Variants in TMEM40 observed in about 807,000 individuals in gnomAD.
TMEM40 encodes transmembrane protein 40.
A neutral mutation model predicts 40.8 loss-of-function variants in TMEM40; 34 were observed. That is an observed-to-expected ratio of 0.83 (90% confidence interval 0.63 to 1.11). The LOEUF (loss-of-function observed/expected upper bound fraction) is 1.11. Among genes scored for constraint, TMEM40 ranks in the 50% least tolerant of loss-of-function variants. The probability of loss-of-function intolerance (pLI) is 0.00; values close to 1 mark genes in which losing one functional copy is unlikely to be tolerated. For synonymous variants in TMEM40, 106 were observed against 107.0 expected (o/e 0.99, Z 0.06); for missense variants, 296 against 280.2 (o/e 1.06, Z -0.40).
upstream of TMEM40, among the ~76,000 whole-genome samples, chr3:12,762,810 G>A (rs2061578262): frequency 6.6e-6 from 1 of 152,134 alleles, no homozygotes. Flanking sequence ...CCAGGAGTGG[G>A]ACCTAGAATC....
intron 10 of TMEM40, among the ~76,000 whole-genome samples, 179 bp from the exon 11 acceptor site, chr3:12,735,796 A>G (rs1318169910): frequency 6.6e-6 from 1 of 152,242 alleles, no homozygotes; most frequent in Non-Finnish European, 1.5e-5. Context: ...AACCACGAAC[A>G]GCAGAAGTAG....
intron 1 of TMEM40, among the ~76,000 whole-genome samples, chr3:12,752,569 C>T (rs574021628): frequency 1.6e-4 from 24 of 152,090 alleles, no homozygotes; most frequent in African/African-American, 4.8e-4. Context: ...GAGGCTGAGG[C>T]GGGCGGATCA....
intron 1 of TMEM40, among the ~76,000 whole-genome samples, chr3:12,768,442 G>A (rs1199725540): frequency 6.6e-6 from 1 of 152,186 alleles, no homozygotes; most frequent in Non-Finnish European, 1.5e-5. Flanking sequence ...CGTTTTGACA[G>A]GGTGCTGATT....
upstream of TMEM40, among the ~76,000 whole-genome samples, chr3:12,762,246 T>C (rs2061572119): frequency 6.6e-6 from 1 of 152,248 alleles, no homozygotes; most frequent in Non-Finnish European, 1.5e-5. Flanking sequence ...CTGGGATTTA[T>C]AGGCATGAGC....
chr3:12,737,586 A>G, intron 8 of TMEM40, 121 bp downstream of exon 8: 1 of 877,982 alleles, frequency 1.1e-6, no homozygotes, highest in African/African-American at 1.7e-5. Flanking sequence ...TAATGTGTAA[A>G]CTGCAGGGCA....
intron 1 of TMEM40, among the ~76,000 whole-genome samples, chr3:12,755,213 TTCTCTCTCTCTCTCTCTCTC>T (rs754041538): frequency 0.041 from 3,837 of 94,294 alleles, 341 homozygotes; most frequent in African/African-American, 0.16. Flanking sequence ...CTTTCTTTCT[TTCTCTCTCTCTCTCTCTCTC>T]TCTTTCTTTC....
At chr3:12,761,961 G>T (rs2061570758), upstream of TMEM40, among the ~76,000 whole-genome samples, 1 of 151,904 alleles carries the variant, frequency 6.6e-6, no homozygotes, top group South Asian at 2.1e-4. Flanking sequence ...AATGATATTT[G>T]GATATATTAT....
intron 1 of TMEM40, among the ~76,000 whole-genome samples, chr3:12,758,568 A>G (rs2061546474): frequency 6.6e-6 from 1 of 152,032 alleles, no homozygotes; most frequent in African/African-American, 2.4e-5. Context: ...AGCCCCCAAC[A>G]GGCAGCAGGG....
At chr3:12,759,869 G>T (rs1444705114), upstream of TMEM40, among the ~76,000 whole-genome samples, 1 of 152,124 alleles carries the variant, frequency 6.6e-6, no homozygotes, top group East Asian at 1.9e-4. Context: ...CGAGGGCAGG[G>T]CCCCAGCTCA....
intron 5 of TMEM40, 145 bp downstream of exon 5, chr3:12,742,309 T>TA: frequency 1.2e-6 from 1 of 858,308 alleles, no homozygotes; most frequent in Non-Finnish European, 1.8e-6. Context: ...CTGCCAATGT[T>TA]ATAACCACCC....
intron 1 of TMEM40, among the ~76,000 whole-genome samples, chr3:12,757,557 C>T (rs2061538526): frequency 6.6e-6 from 1 of 151,958 alleles, no homozygotes. Context: ...TTCACACCCA[C>T]TAGGGTGGCT....
At chr3:12,736,442 G>A (rs920627241) in intron 10 of TMEM40, 136 bp downstream of exon 10, 11 of 1,070,472 alleles carry the variant, frequency 1.0e-5, no homozygotes, top group South Asian at 4.7e-5. Context: ...AAGCCACCGC[G>A]CCTGGCCAGA....
At chr3:12,738,454 G>C (rs2061354665) in intron 6 of TMEM40, 99 bp downstream of exon 6, 2 of 1,373,310 alleles carry the variant, frequency 1.5e-6, no homozygotes, top group South Asian at 1.2e-5. Flanking sequence ...CTCAGAGCCA[G>C]GTATCCCAAC....
upstream of TMEM40, among the ~76,000 whole-genome samples, chr3:12,761,895 A>G (rs2061570378): frequency 6.6e-6 from 1 of 152,230 alleles, no homozygotes; most frequent in Non-Finnish European, 1.5e-5. Flanking sequence ...GTATATATAT[A>G]CAACATATAT....
rs3773329 is a variant in TMEM40, at chr3:12,749,713, C to T, written c.73+47G>A. 3,743 of 1,576,810 alleles carry T rather than the reference C, an allele frequency of 2.4e-3. 70 individuals carry two copies. In the African/African-American group the frequency reaches 0.035, roughly 15 times the overall value. The stretch of plus-strand genomic sequence containing the variant: ...TTCTGTCCCTTCTACTTTTGGACTC[C>T]ACCTCCCATGTGGTTTTGCCCAGAG... On this transcript the variant is annotated intron_variant, in intron 2 of 11. Coordinates refer to ENST00000314124, the MANE Select transcript of TMEM40 (RefSeq NM_018306.4).
At chr3:12,739,606 AG>A in intron 5 of TMEM40, among the ~76,000 whole-genome samples, 1 of 150,688 alleles carries the variant, frequency 6.6e-6, no homozygotes, top group African/African-American at 2.4e-5. Flanking sequence ...TTTTTAATAG[AG>A]ACAGGGTCTT....
chr3:12,748,982 G>T (rs994567694), intron 2 of TMEM40, among the ~76,000 whole-genome samples, 190 bp from the exon 3 acceptor site: 1 of 152,152 alleles, frequency 6.6e-6, no homozygotes, highest in Non-Finnish European at 1.5e-5. Context: ...CTCACGGAAG[G>T]CTCAATACAG....
At chr3:12,736,457 T>C in intron 10 of TMEM40, 121 bp downstream of exon 10, 1 of 1,326,344 alleles carries the variant, frequency 7.5e-7, no homozygotes, top group East Asian at 2.5e-5. Flanking sequence ...GCCAGAAAAT[T>C]TTTTTAAAAG....
intron 1 of TMEM40, among the ~76,000 whole-genome samples, chr3:12,767,888 A>G (rs554809387): frequency 1.6e-4 from 25 of 152,254 alleles, no homozygotes; most frequent in Admixed American, 1.5e-3. Context: ...CACCCCTTAT[A>G]GCTTGTCCAG....
Sources: allele counts gnomAD v4.1 joint callset (sites outside exome capture counted in the v4.1 genomes callset), GRCh38; gene constraint gnomAD v4.1.1; transcripts MANE v1.5; gene names NCBI Gene and HGNC (gene_info 2026-07-23, HGNC 2026-07-21).